The following PTPRN2 variants were observed in gnomAD, a reference collection of about 807,000 sequenced individuals.
The protein encoded by PTPRN2 is receptor-type tyrosine-protein phosphatase N2.
A neutral mutation model predicts 118.8 loss-of-function variants in PTPRN2; 74 were observed. That is an observed-to-expected ratio of 0.62 (90% confidence interval 0.52 to 0.76). The LOEUF is 0.76. Ranked by LOEUF, PTPRN2 falls within the 30% of genes least tolerant of loss-of-function variation. PTPRN2 has a pLI of 0.00. For synonymous variants in PTPRN2, 641 were observed against 608.0 expected, an observed-to-expected ratio of 1.05 and a Z score of -0.80; for missense variants, 1,481 against 1,394.4, an observed-to-expected ratio of 1.06 and a Z score of -0.99.
At chr7:157,542,552 G>T (rs1020576124) in intron 22 of PTPRN2, among the ~76,000 whole-genome samples, 4 of 152,044 alleles carry the variant, frequency 2.6e-5, no homozygotes, top group South Asian at 2.1e-4. Context: ...CTCTCAGGCA[G>T]CCACTTGCGG....
rs1802989728 is a variant in PTPRN2 at position 157,619,111 on chromosome 7, G to C, written c.2344+2251C>G. Among the ~76,000 whole-genome samples the C allele has an allele frequency of 6.6e-6, 1 of 151,964 alleles. No individual in the cohort carries two copies. The highest frequency in any genetic ancestry group is 1.5e-5 in the Non-Finnish European group (1 of 68,004). On this transcript the variant is annotated intron_variant, in intron 15 of 22. Transcript: ENST00000389418. The surrounding 1 kb of genome is among the most constrained non-coding windows in gnomAD (Gnocchi z 5.3). ...AGCACGGACCACTTCACCATCACTAGGTCCCTCGCCCCCAACCCCCCCATC... is the reference window on the plus strand; with the variant it reads ...AGCACGGACCACTTCACCATCACTACGTCCCTCGCCCCCAACCCCCCCATC...
intron 14 of PTPRN2, 74 bp from the exon 15 acceptor site, chr7:157,621,583 G>A: frequency 6.3e-7 from 1 of 1,582,626 alleles, no homozygotes; most frequent in South Asian, 1.1e-5. Flanking sequence ...AAAGGCAGCG[G>A]AGGCCTTTGC....
chr7:157,658,771 A>G (rs557413381), intron 13 of PTPRN2, among the ~76,000 whole-genome samples: 8 of 152,228 alleles, frequency 5.3e-5, no homozygotes, highest in Non-Finnish European at 1.0e-4. Context: ...TGATACCCAG[A>G]AAAAGTTTAT....
At chr7:157,807,559 C>T (rs1188008300) in intron 12 of PTPRN2, among the ~76,000 whole-genome samples, 1 of 152,224 alleles carries the variant, frequency 6.6e-6, no homozygotes, top group African/African-American at 2.4e-5. Context: ...GGGCAGATGC[C>T]TTTCTGCACA....
chr7:158,030,906 G>A (rs1020478967), intron 11 of PTPRN2: 4 of 152,280 alleles, frequency 2.6e-5, no homozygotes, highest in East Asian at 1.9e-4. Flanking sequence ...AGAGCTCAGC[G>A]ATGAGCCAGG....
At position 158,013,648 on chromosome 7, in the gene PTPRN2, T is replaced by C. The variant is rs538712725; in HGVS notation, c.1723+67650A>G. Among the ~76,000 whole-genome samples the C allele has an allele frequency of 2.0e-5, 3 of 152,010 alleles. No homozygotes were observed. The South Asian group carries it at 6.3e-4, about 32-fold the overall frequency. On this transcript the variant is annotated intron_variant, in intron 11 of 22. Coordinates refer to ENST00000389418, the MANE Select transcript of PTPRN2 (RefSeq NM_002847.5). ...CATCTATCAATCCATCTATCATCCA[T>C]CATTCATCATCTGTCTATTTACCCA...
intron 2 of PTPRN2, among the ~76,000 whole-genome samples, chr7:158,411,363 C>T (rs1288048789): frequency 6.6e-6 from 1 of 152,130 alleles, no homozygotes; most frequent in Non-Finnish European, 1.5e-5. Context: ...GGGCCTGGCA[C>T]TGCGCACTGC....
intron 9 of PTPRN2, among the ~76,000 whole-genome samples, chr7:158,112,355 A>C (rs1816354016): frequency 6.6e-6 from 1 of 152,216 alleles, no homozygotes; most frequent in Admixed American, 6.5e-5. Context: ...ACAGGGTATC[A>C]GACAGTGAGC....
At chr7:158,280,287 C>T (rs1799332194) in intron 3 of PTPRN2, among the ~76,000 whole-genome samples, 1 of 152,232 alleles carries the variant, frequency 6.6e-6, no homozygotes. Flanking sequence ...AGGCAGCAGC[C>T]ATGAGAAGGT....
At chr7:158,305,166 T>C (rs1801189753) in intron 3 of PTPRN2, among the ~76,000 whole-genome samples, 1 of 152,062 alleles carries the variant, frequency 6.6e-6, no homozygotes, top group Admixed American at 6.5e-5. Context: ...TGAACTAGTG[T>C]TTCAGGTTTA....
chr7:158,420,468 C>G (rs1815158514), intron 2 of PTPRN2, among the ~76,000 whole-genome samples: 1 of 152,224 alleles, frequency 6.6e-6, no homozygotes, highest in African/African-American at 2.4e-5. Context: ...CAGGGTCCAG[C>G]ACACATTCCT....
At chr7:157,562,266 A>T (rs1168025706) in intron 21 of PTPRN2, among the ~76,000 whole-genome samples, 1 of 152,180 alleles carries the variant, frequency 6.6e-6, no homozygotes, top group African/African-American at 2.4e-5. Context: ...ACACCTAATC[A>T]GGAGGAGAAA....
At chr7:157,720,140 A>G (rs1222413177) in intron 12 of PTPRN2, among the ~76,000 whole-genome samples, 1 of 152,212 alleles carries the variant, frequency 6.6e-6, no homozygotes, top group African/African-American at 2.4e-5. Context: ...ATTTCTTCTC[A>G]GCTGCATGGC....
chr7:158,581,987 C>T (rs1389659543), intron 1 of PTPRN2, among the ~76,000 whole-genome samples: 1 of 152,182 alleles, frequency 6.6e-6, no homozygotes, highest in East Asian at 1.9e-4. Flanking sequence ...TTTTTACTTC[C>T]TGTTCTAGGT....
intron 15 of PTPRN2, among the ~76,000 whole-genome samples, chr7:157,607,954 C>T (rs541886339): frequency 1.3e-5 from 2 of 152,306 alleles, no homozygotes; most frequent in African/African-American, 4.8e-5. Context: ...CCCCCGAGGT[C>T]ACCCTTTAAA....
chr7:158,475,838 C>G (rs945259989), intron 2 of PTPRN2, among the ~76,000 whole-genome samples: 2 of 152,166 alleles, frequency 1.3e-5, no homozygotes, highest in Non-Finnish European at 2.9e-5. Flanking sequence ...GGCAGTCTCA[C>G]GGGGAAGAAG....
intron 10 of PTPRN2, among the ~76,000 whole-genome samples, chr7:158,097,374 T>G (rs1197861432): frequency 2.0e-5 from 3 of 152,132 alleles, no homozygotes; most frequent in Non-Finnish European, 4.4e-5. Context: ...TGCTGCCTCT[T>G]CGGTAATAAC....
chr7:158,016,428 C>T (rs568274691), intron 11 of PTPRN2, among the ~76,000 whole-genome samples: 1 of 152,312 alleles, frequency 6.6e-6, no homozygotes, highest in Admixed American at 6.5e-5. Flanking sequence ...GAAGGGGCCA[C>T]TCAGGGGCCT....
chr7:157,786,054 G>A (rs1804017406), intron 12 of PTPRN2, among the ~76,000 whole-genome samples: 2 of 152,142 alleles, frequency 1.3e-5, no homozygotes, highest in Non-Finnish European at 1.5e-5. Flanking sequence ...TGCCCCCTGT[G>A]GGGCACGAGC....
Sources: allele counts gnomAD v4.1 joint callset (sites outside exome capture counted in the v4.1 genomes callset), GRCh38; gene constraint gnomAD v4.1.1; non-coding constraint Gnocchi (gnomAD v3.1); transcripts MANE v1.5; gene names NCBI Gene and HGNC (gene_info 2026-07-23, HGNC 2026-07-21).